Variants in ETFA observed in about 807,000 individuals in gnomAD.
The protein encoded by ETFA is electron transfer flavoprotein subunit alpha, mitochondrial.
A neutral mutation model predicts 46.2 loss-of-function variants in ETFA; 22 were observed. The ratio of observed to expected loss-of-function variants is 0.48; its 90% CI spans 0.34 to 0.68. ETFA has a LOEUF of 0.68. Among genes scored for constraint, ETFA ranks in the 30% least tolerant of loss-of-function variants. ETFA has a pLI of 0.01. For synonymous variants in ETFA, 131 were observed against 139.9 expected, an observed-to-expected ratio of 0.94 and a Z score of 0.45; for missense variants, 345 against 401.1, an observed-to-expected ratio of 0.86 and a Z score of 1.19.
chr15:76,279,888 T>G (rs967691851), intron 8 of ETFA, among the ~76,000 whole-genome samples: 14 of 151,854 alleles, frequency 9.2e-5, no homozygotes, highest in East Asian at 5.8e-4. Flanking sequence ...GTCCTGAGTT[T>G]TTTTTTTTTT....
intron 8 of ETFA, among the ~76,000 whole-genome samples, chr15:76,274,801 T>C (rs12442266): frequency 0.42 from 63,395 of 152,112 alleles, 15,440 homozygotes; most frequent in Middle Eastern, 0.56. Context: ...TTTACAATAT[T>C]ACCTCTTGTA....
intron 1 of ETFA, among the ~76,000 whole-genome samples, chr15:76,307,310 T>C (rs1357702416): frequency 6.6e-6 from 1 of 152,166 alleles, no homozygotes; most frequent in South Asian, 2.1e-4. Context: ...AAACTATCTT[T>C]GTTAACAGAT....
In ETFA at chr15:76,287,855, T is replaced by C. The variant is rs199673198; in HGVS notation, c.442A>G (p.Ile148Val). ...IKSPDTFVRT[I>V]YAGNALCTVK... Reference sequence around the variant, plus strand: ...TTCCTTGAGTACTCACCTGCATAAATAGTTCTCACAAATGTGTCAGGTGAC... The same window carrying C: ...TTCCTTGAGTACTCACCTGCATAAACAGTTCTCACAAATGTGTCAGGTGAC... The change falls in exon 5 of 12, where the codon ATT becomes GTT. Residue 148 changes from isoleucine (I) to valine (V), a missense_variant. Transcript: ENST00000557943. 1.8e-4 allele frequency: 295 copies of C among 1,607,250 alleles called. 2 individuals are homozygous for C. In the South Asian group the frequency reaches 3.0e-3, roughly 16 times the overall value.
At chr15:76,287,306 G>A (rs888512128) in intron 5 of ETFA, among the ~76,000 whole-genome samples, 3 of 152,098 alleles carry the variant, frequency 2.0e-5, no homozygotes, top group Non-Finnish European at 2.9e-5. Flanking sequence ...GTGACTACAG[G>A]CATATGCCAA....
intron 9 of ETFA, among the ~76,000 whole-genome samples, chr15:76,272,484 T>C (rs1300280653): frequency 1.3e-5 from 2 of 152,160 alleles, no homozygotes; most frequent in Non-Finnish European, 2.9e-5. Context: ...CCTCCCAAAG[T>C]GCTGGGATTA....
At chr15:76,265,595 G>A (rs2039462892) in intron 9 of ETFA, among the ~76,000 whole-genome samples, 1 of 152,162 alleles carries the variant, frequency 6.6e-6, no homozygotes, top group African/African-American at 2.4e-5. Flanking sequence ...GGGTATCGTT[G>A]GCGTAGGGAC....
rs555704242 is a variant in ETFA at position 76,267,281 on chromosome 15, TAAATC to T, written c.816+7126_816+7130del. ...ACAACCAAAACGCTCACTCTGTACTTAAATCAAATTGCTGTGCTAGTAGGACAAGC... is the reference window on the plus strand; with the variant it reads ...ACAACCAAAACGCTCACTCTGTACTTAAATTGCTGTGCTAGTAGGACAAGC... On this transcript the variant is annotated intron_variant, in intron 9 of 11. Transcript: ENST00000557943. 1.5e-3 allele frequency among the ~76,000 whole-genome samples: 222 copies of T among 152,346 alleles called. 3 individuals carry two copies. The highest frequency in any genetic ancestry group is 4.6e-3 in the African/African-American group (192 of 41,586).
chr15:76,224,282 C>G (rs2038984056), intron 11 of ETFA, among the ~76,000 whole-genome samples: 1 of 152,154 alleles, frequency 6.6e-6, no homozygotes, highest in African/African-American at 2.4e-5. Context: ...ACACTTGGGC[C>G]AGGCAACATG....
At chr15:76,303,318 C>A (rs1443290432) in intron 1 of ETFA, among the ~76,000 whole-genome samples, 1 of 151,902 alleles carries the variant, frequency 6.6e-6, no homozygotes, top group Non-Finnish European at 1.5e-5. Context: ...AAAAAACAAA[C>A]AAACAAAAAA....
chr15:76,311,455 A>G lies in ETFA; in HGVS notation c.-67T>C, dbSNP rs573444463. The G allele has an allele frequency of 4.6e-6, 7 of 1,527,810 alleles. No homozygotes were observed. The African/African-American group carries it at 8.2e-5, about 18-fold the overall frequency. The allele number at this position is 1,527,810 out of a possible 1,614,324, so 94.6% of individuals were successfully genotyped here. ...GTGCCCGGCCAACTGGCGCCGCCTC[A>G]GCCAGTCACCTAATGCTCGCGAGAC... is the stretch of plus-strand genomic sequence containing the variant. On this transcript the variant is annotated 5_prime_UTR_variant, in exon 1 of 12. Coordinates refer to ENST00000557943, the MANE Select transcript of ETFA (RefSeq NM_000126.4).
chr15:76,261,920 A>G (rs1002540264), intron 9 of ETFA, among the ~76,000 whole-genome samples: 7 of 152,246 alleles, frequency 4.6e-5, no homozygotes, highest in African/African-American at 1.4e-4. Flanking sequence ...AGGCCAAGAT[A>G]GGTGGATCGC....
rs1337099113 is a variant in ETFA, at chr15:76,302,788, T to C, written c.40-7051A>G. ...GTGTGTGGACCAGGAAGACTCTCTG[T>C]ACTTTCCATTGGATTTTGCTGTGAA... On this transcript the variant is annotated intron_variant, in intron 1 of 11. Transcript: ENST00000557943. 5.3e-5 allele frequency among the ~76,000 whole-genome samples: 8 copies of C among 152,322 alleles called. No homozygotes were observed. The South Asian group carries it at 8.3e-4, about 16-fold the overall frequency.
intron 9 of ETFA, among the ~76,000 whole-genome samples, chr15:76,272,992 CTTCTT>C (rs1567211438): frequency 6.6e-6 from 1 of 151,820 alleles, no homozygotes; most frequent in African/African-American, 2.4e-5. Context: ...AGCTTTAAAT[CTTCTT>C]TTCTGACTTC....
chr15:76,266,869 A>G (rs1487151207), intron 9 of ETFA, among the ~76,000 whole-genome samples: 1 of 151,748 alleles, frequency 6.6e-6, no homozygotes, highest in Non-Finnish European at 1.5e-5. Context: ...ACGCCACTGC[A>G]CTCCAGCCTG....
At chr15:76,244,906 A>C (rs1421548397) in intron 9 of ETFA, among the ~76,000 whole-genome samples, 1 of 152,176 alleles carries the variant, frequency 6.6e-6, no homozygotes, top group Non-Finnish European at 1.5e-5. Context: ...TGAAACTTAC[A>C]ATTTTTAACT....
chr15:76,226,857 C>T (rs111716768), intron 10 of ETFA, among the ~76,000 whole-genome samples: 5 of 151,810 alleles, frequency 3.3e-5, no homozygotes, highest in African/African-American at 9.7e-5. Context: ...CCAGCCTGGG[C>T]GACAGAGTGA....
chr15:76,259,075 G>A, intron 9 of ETFA: 1 of 1,582,546 alleles, frequency 6.3e-7, no homozygotes. Flanking sequence ...TGCTCTGCCT[G>A]CCCTGGCTGC....
chr15:76,273,979 A>G, intron 9 of ETFA, among the ~76,000 whole-genome samples: 1 of 152,226 alleles, frequency 6.6e-6, no homozygotes, highest in South Asian at 2.1e-4. Context: ...GTGTTCAGGA[A>G]GATATAAGAC....
intron 11 of ETFA, among the ~76,000 whole-genome samples, chr15:76,220,397 C>T (rs2038945724): frequency 6.6e-6 from 1 of 152,148 alleles, no homozygotes; most frequent in South Asian, 2.1e-4. Flanking sequence ...AGACTTCAAG[C>T]ATAAGCAACA....
Sources: allele counts gnomAD v4.1 joint callset (sites outside exome capture counted in the v4.1 genomes callset), GRCh38; gene constraint gnomAD v4.1.1; transcripts MANE v1.5; gene names NCBI Gene and HGNC (gene_info 2026-07-23, HGNC 2026-07-21).